Variants in NCKAP1 observed in about 807,000 individuals in gnomAD.
The protein encoded by NCKAP1 is NCK associated protein 1, also known as nck-associated protein 1.
A neutral mutation model predicts 151.2 loss-of-function variants in NCKAP1; 21 were observed. The ratio of observed to expected loss-of-function variants is 0.14; its 90% CI spans 0.10 to 0.20. NCKAP1 has a LOEUF of 0.20. Among genes scored for constraint, NCKAP1 ranks in the 10% least tolerant of loss-of-function variants. NCKAP1 has a pLI of 1.00. For missense variants in NCKAP1, 933 were observed against 1,352.1 expected (o/e 0.69, Z 4.86); for synonymous variants, 484 against 451.8 (o/e 1.07, Z -0.90).
At chr2:182,957,209 G>A in intron 19 of NCKAP1, 1 of 321,330 alleles carries the variant, frequency 3.1e-6, no homozygotes, top group Admixed American at 4.8e-5. Flanking sequence ...CATATAATTG[G>A]CCTTCAGTAC....
At position 182,917,573 on chromosome 2, in the gene NCKAP1, A is replaced by T. The variant is rs546924869; in HGVS notation, c.*8129T>A. 1 of 152,318 alleles carries T rather than the reference A, an allele frequency of 6.6e-6. No homozygotes were observed. The highest frequency in any genetic ancestry group is 2.4e-5 in the African/African-American group (1 of 41,582). The allele number at this position is 152,318 out of a possible 1,614,324, so 9.4% of individuals were successfully genotyped here. ...AGAATTAGCTATTATCTTGAAAATAAGTTCATCTTTCATAAAGGCAGAATT... is the reference window on the plus strand; with the variant it reads ...AGAATTAGCTATTATCTTGAAAATATGTTCATCTTTCATAAAGGCAGAATT... On this transcript the variant is annotated 3_prime_UTR_variant, in exon 31 of 31. Transcript: ENST00000361354.
chr2:183,036,400 T>A (rs1319774081), intron 1 of NCKAP1, among the ~76,000 whole-genome samples: 1 of 152,226 alleles, frequency 6.6e-6, no homozygotes, highest in Non-Finnish European at 1.5e-5. Context: ...ATATTTGACT[T>A]GTTCATTTTT....
chr2:182,916,405 T>C lies in NCKAP1; in HGVS notation c.*9297A>G, dbSNP rs761325430. On this transcript the variant is annotated 3_prime_UTR_variant, in exon 31 of 31. Coordinates refer to ENST00000361354, the MANE Select transcript of NCKAP1 (RefSeq NM_013436.5). ...GTAAGATTCTGAGAGTTACACAGGG[T>C]AGGAAATTTGACTAAACAGACAGAA... is the stretch of plus-strand genomic sequence containing the variant. 2.0e-5 allele frequency: 3 copies of C among 152,000 alleles called. No homozygotes were observed. The highest frequency in any genetic ancestry group is 4.4e-5 in the Non-Finnish European group (3 of 68,038). The allele number at this position is 152,000 out of a possible 1,614,324, so 9.4% of individuals were successfully genotyped here.
intron 14 of NCKAP1, 102 bp from the exon 15 acceptor site, chr2:182,977,053 A>C: frequency 1.5e-6 from 1 of 672,470 alleles, no homozygotes; most frequent in Non-Finnish European, 2.3e-6. Context: ...TCTACTTCTG[A>C]GTATACCTAA....
chr2:182,954,630 A>G (rs1697287081), intron 20 of NCKAP1, among the ~76,000 whole-genome samples: 1 of 152,156 alleles, frequency 6.6e-6, no homozygotes, highest in Non-Finnish European at 1.5e-5. Flanking sequence ...TACTAAAAAT[A>G]CAAAAATTAA....
chr2:182,975,166 C>G (rs1183687675), intron 15 of NCKAP1, among the ~76,000 whole-genome samples: 6 of 152,034 alleles, frequency 3.9e-5, no homozygotes, highest in Admixed American at 2.6e-4. Context: ...CTTTTTTTTA[C>G]AAGTTCTACT....
intron 24 of NCKAP1, among the ~76,000 whole-genome samples, chr2:182,940,437 G>C (rs1368930601): frequency 6.6e-6 from 1 of 151,596 alleles, no homozygotes; most frequent in South Asian, 2.1e-4. Context: ...TTGGTATACA[G>C]CTCCATTTTT....
At chr2:182,939,522 C>T (rs1278575139) in intron 24 of NCKAP1, among the ~76,000 whole-genome samples, 4 of 151,374 alleles carry the variant, frequency 2.6e-5, no homozygotes, top group African/African-American at 4.9e-5. Flanking sequence ...AGCAAGGCTC[C>T]GTCTCAAAAA....
Position 182,924,517 on chromosome 2 carries a change from C to T in NCKAP1, c.*1185G>A, listed in dbSNP as rs983372861. On this transcript the variant is annotated 3_prime_UTR_variant, in exon 31 of 31. Coordinates refer to ENST00000361354, the MANE Select transcript of NCKAP1 (RefSeq NM_013436.5). Reference sequence around the variant, plus strand: ...GCAATAGGCCCTTTTATGTCTTTCCCATTCATTACTGACTAATGCAGCAGT... The same window carrying T: ...GCAATAGGCCCTTTTATGTCTTTCCTATTCATTACTGACTAATGCAGCAGT... 6.6e-6 allele frequency: 1 copy of T among 152,126 alleles called. No homozygotes were observed. Among genetic ancestry groups the T allele is most frequent in the African/African-American group, 2.4e-5 (1 of 41,428 alleles). 9.4% of individuals were successfully genotyped at this position (152,126 alleles called of 1,614,324 possible).
At chr2:182,929,267 C>T (rs1406740946) in intron 27 of NCKAP1, among the ~76,000 whole-genome samples, 1 of 151,784 alleles carries the variant, frequency 6.6e-6, no homozygotes, top group Non-Finnish European at 1.5e-5. Flanking sequence ...CTTTATGAGA[C>T]AGTTCTATTT....
Position 183,023,846 on chromosome 2 carries a change from A to G in NCKAP1, c.179T>C (p.Ile60Thr). 1 of 1,613,554 alleles carries G rather than the reference A, an allele frequency of 6.2e-7. No homozygotes were observed. The highest frequency in any genetic ancestry group is 8.5e-7 in the Non-Finnish European group (1 of 1,179,558). ...TTCTACAGCAGGGAATTTTCTGACT[A>G]TGAATTTCACAGCAGATTCCAGGTT... ...DKNLESAVKF[I>T]VRKFPAVETR... The change falls in exon 2 of 31, where the codon ATA becomes ACA. Residue 60 changes from isoleucine to threonine, a missense_variant. Ile to Thr is a moderately conservative substitution (Grantham distance 89). Around this residue, in one of 2 missense-constraint regions of NCKAP1, gnomAD observed 607 missense variants for 795.0 expected, o/e 0.76. Coordinates refer to ENST00000361354, the MANE Select transcript of NCKAP1 (RefSeq NM_013436.5).
At chr2:182,950,841 T>G (rs1261730693) in intron 23 of NCKAP1, among the ~76,000 whole-genome samples, 1 of 152,058 alleles carries the variant, frequency 6.6e-6, no homozygotes, top group African/African-American at 2.4e-5. Context: ...TTGAGTTTTT[T>G]CTTTTTTTTG....
intron 14 of NCKAP1, among the ~76,000 whole-genome samples, chr2:182,978,465 G>C (rs189229527): frequency 3.0e-4 from 45 of 152,242 alleles, no homozygotes; most frequent in Non-Finnish European, 5.4e-4. Context: ...GTTGAAAAAA[G>C]AATGTGGAGT....
At chr2:182,934,699 T>G in intron 26 of NCKAP1, 53 bp downstream of exon 26, 1 of 903,274 alleles carries the variant, frequency 1.1e-6, no homozygotes, top group Non-Finnish European at 1.7e-6. Flanking sequence ...CATATGTAAT[T>G]TAAATATTTC....
At chr2:182,984,566 T>G (rs1698011228) in intron 10 of NCKAP1, among the ~76,000 whole-genome samples, 1 of 151,662 alleles carries the variant, frequency 6.6e-6, no homozygotes. Context: ...CTACATGACC[T>G]TAGGTTCCAA....
rs1696576937 is a variant in NCKAP1, at chr2:182,923,020, C to A, written c.*2682G>T. 6.6e-6 allele frequency: 1 copy of A among 152,116 alleles called. No homozygotes were observed. Among genetic ancestry groups the A allele is most frequent in the Non-Finnish European group, 1.5e-5 (1 of 68,024 alleles). The allele number at this position is 152,116 out of a possible 1,614,324, so 9.4% of individuals were successfully genotyped here. ...AAGAGTGAAACTCCGTCTCAAGAAG[C>A]TGGTTTGTTTATTGTATACCATCAC... is the stretch of plus-strand genomic sequence containing the variant. On this transcript the variant is annotated 3_prime_UTR_variant, in exon 31 of 31. Coordinates refer to ENST00000361354, the MANE Select transcript of NCKAP1 (RefSeq NM_013436.5).
chr2:182,962,496 A>G (rs116517350), intron 17 of NCKAP1, among the ~76,000 whole-genome samples: 124 of 152,282 alleles, frequency 8.1e-4, no homozygotes, highest in Non-Finnish European at 1.4e-3. Flanking sequence ...AAAGCAATGT[A>G]TAACTGGGAG....
chr2:182,928,670 A>G (rs9333280), intron 28 of NCKAP1, 113 bp downstream of exon 28: 500,475 of 652,150 alleles, frequency 0.77, 198,449 homozygotes, highest in East Asian at 0.96. Flanking sequence ...AAAGGGAAAC[A>G]GACTACCCCA....
At chr2:183,017,330 A>G (rs1224664292) in intron 2 of NCKAP1, among the ~76,000 whole-genome samples, 1 of 152,176 alleles carries the variant, frequency 6.6e-6, no homozygotes, top group Non-Finnish European at 1.5e-5. Flanking sequence ...ATCATAATGT[A>G]GAAGCAGTGG....
Sources: allele counts gnomAD v4.1 joint callset (sites outside exome capture counted in the v4.1 genomes callset), GRCh38; gene constraint gnomAD v4.1.1; regional missense constraint gnomAD v4.1.1; transcripts MANE v1.5; gene names NCBI Gene and HGNC (gene_info 2026-07-23, HGNC 2026-07-21).